ADAMTS16: variants seen among roughly 807,000 people sequenced by gnomAD.
The protein encoded by ADAMTS16 is A disintegrin and metalloproteinase with thrombospondin motifs 16.
In ADAMTS16, 94 loss-of-function variants were observed where a neutral mutation model predicts 145.8. The ratio of observed to expected loss-of-function variants is 0.64; its 90% CI spans 0.55 to 0.77. The LOEUF (loss-of-function observed/expected upper bound fraction) is 0.77. ADAMTS16 is among the 30% of genes least tolerant of loss of function. The pLI, the probability that ADAMTS16 is intolerant of heterozygous loss-of-function variation, is 0.00. For synonymous variants in ADAMTS16, 659 were observed against 604.3 expected, an observed-to-expected ratio of 1.09 and a Z score of -1.33; for missense variants, 1,585 against 1,591.5, an observed-to-expected ratio of 1.00 and a Z score of 0.07.
chr5:5,242,395 G>A (rs996400877), intron 17 of ADAMTS16, among the ~76,000 whole-genome samples: 7 of 152,180 alleles, frequency 4.6e-5, no homozygotes, highest in Non-Finnish European at 7.3e-5. Flanking sequence ...GCTTCAGTGT[G>A]TGACTCTGAG....
At chr5:5,180,839 A>C (rs987798562) in intron 3 of ADAMTS16, among the ~76,000 whole-genome samples, 1 of 152,178 alleles carries the variant, frequency 6.6e-6, no homozygotes, top group African/African-American at 2.4e-5. Flanking sequence ...CCTCACCCAT[A>C]AAAAGGGGGC....
intron 17 of ADAMTS16, among the ~76,000 whole-genome samples, chr5:5,243,657 T>A (rs1863971): frequency 0.48 from 73,242 of 152,132 alleles, 19,220 homozygotes; most frequent in Non-Finnish European, 0.58. Flanking sequence ...AAAGTATGAA[T>A]TTTTGAACTC....
At chr5:5,164,502 G>C (rs533115659) in intron 3 of ADAMTS16, among the ~76,000 whole-genome samples, 1 of 152,242 alleles carries the variant, frequency 6.6e-6, no homozygotes, top group African/African-American at 2.4e-5. Flanking sequence ...GTGCTGCACT[G>C]TTAGACTGAT....
intron 20 of ADAMTS16, among the ~76,000 whole-genome samples, chr5:5,306,167 A>C (rs1740145818): frequency 6.6e-6 from 1 of 152,210 alleles, no homozygotes; most frequent in Non-Finnish European, 1.5e-5. Flanking sequence ...TAGTTACCAC[A>C]TGTACTTATG....
At chr5:5,156,906 A>T (rs16874887) in intron 3 of ADAMTS16, among the ~76,000 whole-genome samples, 10 of 152,040 alleles carry the variant, frequency 6.6e-5, no homozygotes, top group Non-Finnish European at 1.5e-4. Flanking sequence ...AGCTGTTCTC[A>T]GTAATCCCCT....
At chr5:5,200,303 C>A in intron 9 of ADAMTS16, 34 bp downstream of exon 9, 1 of 1,611,512 alleles carries the variant, frequency 6.2e-7, no homozygotes, top group Non-Finnish European at 8.5e-7. Flanking sequence ...TGTGATCTTT[C>A]GGGGCCTTTG....
intron 7 of ADAMTS16, among the ~76,000 whole-genome samples, chr5:5,190,750 C>T (rs1423356391): frequency 1.3e-5 from 2 of 152,098 alleles, no homozygotes; most frequent in South Asian, 2.1e-4. Context: ...AATTTAATAG[C>T]GGTTAGTCTT....
intron 17 of ADAMTS16, among the ~76,000 whole-genome samples, chr5:5,258,596 T>C (rs1737879476): frequency 6.6e-6 from 1 of 151,998 alleles, no homozygotes; most frequent in Non-Finnish European, 1.5e-5. Context: ...TTGAAAGGGA[T>C]GAGAAGAAAC....
chr5:5,319,163 G>T lies in ADAMTS16; in HGVS notation c.*25G>T. ...AGTTGGGACCGCTCTCCGTAGCAGAGAAAGTGCCTGCGTGGCACAGAAATT... is the reference window on the plus strand; with the variant it reads ...AGTTGGGACCGCTCTCCGTAGCAGATAAAGTGCCTGCGTGGCACAGAAATT... On this transcript the variant is annotated 3_prime_UTR_variant, in exon 23 of 23. Coordinates refer to ENST00000274181, the MANE Select transcript of ADAMTS16 (RefSeq NM_139056.4). 1.9e-6 allele frequency: 3 copies of T among 1,540,058 alleles called. No homozygotes were observed. Among genetic ancestry groups the T allele is most frequent in the Non-Finnish European group, 2.7e-6 (3 of 1,122,422 alleles).
intron 11 of ADAMTS16, among the ~76,000 whole-genome samples, chr5:5,225,926 T>C (rs1736751919): frequency 6.6e-6 from 1 of 152,192 alleles, no homozygotes; most frequent in Admixed American, 6.5e-5. Flanking sequence ...ATTAATTCAT[T>C]AATTCACATG....
At chr5:5,297,979 G>C (rs1739615241) in intron 18 of ADAMTS16, among the ~76,000 whole-genome samples, 1 of 152,162 alleles carries the variant, frequency 6.6e-6, no homozygotes, top group Non-Finnish European at 1.5e-5. Context: ...TGGAGTGCTG[G>C]GCCCTGTTCC....
intron 18 of ADAMTS16, among the ~76,000 whole-genome samples, chr5:5,273,806 T>C (rs2126457284): frequency 1.3e-5 from 2 of 152,320 alleles, no homozygotes; most frequent in Middle Eastern, 6.8e-3. Flanking sequence ...CAATAAACCG[T>C]AAGCCAGACT....
At chr5:5,222,201 T>C (rs769702359) in intron 10 of ADAMTS16, among the ~76,000 whole-genome samples, 3 of 152,166 alleles carry the variant, frequency 2.0e-5, no homozygotes, top group African/African-American at 4.8e-5. Context: ...TTCTTTACCC[T>C]ATGAAGACCA....
chr5:5,254,576 T>A (rs13178178), intron 17 of ADAMTS16, among the ~76,000 whole-genome samples: 3,353 of 152,286 alleles, frequency 0.022, 40 homozygotes, highest in Non-Finnish European at 0.032. Flanking sequence ...TATCCATCTG[T>A]TGTCTGTTTC....
intron 12 of ADAMTS16, among the ~76,000 whole-genome samples, 161 bp downstream of exon 12, chr5:5,232,677 C>T (rs1471421404): frequency 6.8e-6 from 1 of 146,698 alleles, no homozygotes; most frequent in African/African-American, 2.5e-5. Flanking sequence ...GATCTTGGCT[C>T]ACTGCAACCT....
chr5:5,319,089 A>G lies in ADAMTS16; in HGVS notation c.3626A>G (p.Lys1209Arg), dbSNP rs755448042. 17 of 1,613,380 alleles carry G rather than the reference A, an allele frequency of 1.1e-5. No individual in the cohort carries two copies. In the African/African-American group the frequency reaches 1.1e-4, roughly 10 times the overall value. The stretch of plus-strand genomic sequence containing the variant: ...CCCCAGCACGGGATGTGCAGCCACA[A>G]GTTCTACGGCAAGCAGTGCTGCAAG... ...LVPQHGMCSH[K>R]FYGKQCCKTC... Residue 1209 changes from lysine (K) to arginine (R), a missense_variant, in exon 23 of 23, where the codon AAG becomes AGG. Around this residue, in one of 3 missense-constraint regions of ADAMTS16, gnomAD observed 834 missense variants for 811.7 expected, o/e 1.03. Transcript: ENST00000274181.
Position 5,306,651 on chromosome 5 carries a change from C to A in ADAMTS16, c.3334C>A (p.Leu1112Ile). The A allele has an allele frequency of 6.2e-7, 1 of 1,614,174 alleles. No homozygotes were observed. The highest frequency in any genetic ancestry group is 8.5e-7 in the Non-Finnish European group (1 of 1,180,036). The change falls in exon 21 of 23, where the codon CTT becomes ATT. Residue 1112 changes from leucine (L) to isoleucine (I), a missense_variant. Physicochemically the swap from Leu to Ile is conservative, Grantham distance 5. Coordinates refer to ENST00000274181, the MANE Select transcript of ADAMTS16 (RefSeq NM_139056.4). ...SLELERACAP[L>I]PCPRHPPFAA... ...GGAGCTGGAACGTGCCTGCGCCCCG[C>A]TTCCATGCCCCAGGCACCCCCCATT... is the stretch of plus-strand genomic sequence containing the variant.
At chr5:5,176,215 C>T (rs1159813470) in intron 3 of ADAMTS16, 2 of 152,260 alleles carry the variant, frequency 1.3e-5, no homozygotes, top group Non-Finnish European at 2.9e-5. Flanking sequence ...TGAGAACGTC[C>T]TCTCTCCCAC....
At position 5,235,005 on chromosome 5, in the gene ADAMTS16, A is replaced by G. The variant is rs1737055244; in HGVS notation, c.1851-9A>G. The G allele has an allele frequency of 2.0e-6, 3 of 1,534,704 alleles. No individual in the cohort carries two copies. The highest frequency in any genetic ancestry group is 2.6e-6 in the Non-Finnish European group (3 of 1,132,316). On this transcript the variant is annotated splice_polypyrimidine_tract_variant and intron_variant, in intron 12 of 22. Coordinates refer to ENST00000274181, the MANE Select transcript of ADAMTS16 (RefSeq NM_139056.4). ...TATAAAAATTCTAACTTCAAAATAC[A>G]CATTCCAGGCCATCGCATGGAGGGA... is the stretch of plus-strand genomic sequence containing the variant.
Sources: gnomAD v4.1 joint callset for allele counts (sites outside exome capture counted in the v4.1 genomes callset) on GRCh38, gnomAD v4.1.1 for gene constraint, gnomAD v4.1.1 regional missense constraint, MANE v1.5 for transcripts, NCBI Gene and HGNC (gene_info 2026-07-23, HGNC 2026-07-21) for gene names.